The following TLE1 variants were observed in gnomAD, a reference collection of about 807,000 sequenced individuals.
TLE1 encodes TLE family member 1, transcriptional corepressor, also known as transducin-like enhancer protein 1.
In TLE1, 21 loss-of-function variants were observed where a neutral mutation model predicts 89.8. The ratio of observed to expected loss-of-function variants is 0.23; its 90% confidence interval spans 0.17 to 0.34. The LOEUF (loss-of-function observed/expected upper bound fraction) is 0.34. Ranked by LOEUF, TLE1 falls within the 10% of genes least tolerant of loss-of-function variation. The probability of loss-of-function intolerance (pLI) is 1.00; values close to 1 mark genes in which losing one functional copy is unlikely to be tolerated. For synonymous variants in TLE1, 447 were observed against 407.6 expected (o/e 1.10, Z -1.16); for missense variants, 795 against 1,031.2 (o/e 0.77, Z 3.14).
chr9:81,668,607 T>G (rs527640562), intron 4 of TLE1, among the ~76,000 whole-genome samples: 1 of 152,018 alleles, frequency 6.6e-6, no homozygotes, highest in East Asian at 1.9e-4. Flanking sequence ...AAGATAACAA[T>G]CAACCTACTT....
intron 14 of TLE1, among the ~76,000 whole-genome samples, chr9:81,597,616 C>G (rs986881529): frequency 6.6e-6 from 1 of 152,176 alleles, no homozygotes; most frequent in Non-Finnish European, 1.5e-5. Context: ...AGCCTCAGAA[C>G]TGAGACCCAG....
At chr9:81,657,158 G>A (rs1244211301) in intron 4 of TLE1, among the ~76,000 whole-genome samples, 1 of 151,826 alleles carries the variant, frequency 6.6e-6, no homozygotes, top group Non-Finnish European at 1.5e-5. Context: ...TTCTTCCATT[G>A]TTGCTTAATC....
chr9:81,590,725 A>G, intron 16 of TLE1, 80 bp downstream of exon 16: 1 of 1,551,914 alleles, frequency 6.4e-7, no homozygotes, highest in South Asian at 1.2e-5. Flanking sequence ...TGTGGGCTGC[A>G]GGCAGCCAGA....
At chr9:81,678,205 A>G (rs1034208027) in intron 4 of TLE1, among the ~76,000 whole-genome samples, 1 of 152,146 alleles carries the variant, frequency 6.6e-6, no homozygotes, top group Non-Finnish European at 1.5e-5. Context: ...AATAGAATAC[A>G]ATTTATTGTT....
intron 14 of TLE1, among the ~76,000 whole-genome samples, chr9:81,606,966 G>A (rs1587937218): frequency 6.6e-6 from 1 of 151,252 alleles, no homozygotes; most frequent in Admixed American, 6.6e-5. Context: ...GCTCATGCCT[G>A]TAGTCCCAGC....
rs150161989 is a variant in TLE1 at position 81,593,112 on chromosome 9, G to A, written c.1494C>T (p.His498=). ...CGCAGCCCTTCCCGCCTGTGTACAC[G>A]TGTCTCGTGGGGTTGCTGATGGTCA... ...CAVTISNPTR[H]VYTGGKGCVK... The change falls in exon 15 of 20, where the codon CAC becomes CAT. Residue 498 remains histidine (H), a synonymous_variant. Coordinates refer to ENST00000376499, the MANE Select transcript of TLE1 (RefSeq NM_005077.5). The A allele has an allele frequency of 8.9e-5, 143 of 1,614,144 alleles. 1 individual carries two copies. In the African/African-American group the frequency reaches 1.2e-3, roughly 14 times the overall value.
intron 9 of TLE1, among the ~76,000 whole-genome samples, chr9:81,618,756 C>T (rs1435830374): frequency 6.6e-6 from 1 of 152,092 alleles, no homozygotes; most frequent in Non-Finnish European, 1.5e-5. Context: ...TAATTTAGTA[C>T]ACATAAGGAA....
chr9:81,584,631 T>C (rs1587833149), intron 18 of TLE1, 107 bp from the exon 19 acceptor site: 2 of 1,004,370 alleles, frequency 2.0e-6, no homozygotes, highest in East Asian at 4.9e-5. Flanking sequence ...ATATGAACTA[T>C]CATGCCCTAA....
At chr9:81,682,182 A>C (rs1833718849) in intron 4 of TLE1, among the ~76,000 whole-genome samples, 1 of 151,708 alleles carries the variant, frequency 6.6e-6, no homozygotes, top group South Asian at 2.1e-4. Flanking sequence ...TGAACCCAGG[A>C]GGCAAAGGCT....
At chr9:81,616,163 G>A in intron 10 of TLE1, 29 bp from the exon 11 acceptor site, 1 of 1,582,974 alleles carries the variant, frequency 6.3e-7, no homozygotes, top group South Asian at 1.2e-5. Context: ...AAGTTTTCGT[G>A]ATTTAGCTTG....
Position 81,688,343 on chromosome 9 carries a change from A to C in TLE1, c.-103T>G. ...AAAATTAAGCCGGAAAGCCAAGCAG[A>C]AGCGGGGAGCGCGCTGGCCACGCAC... On this transcript the variant is annotated 5_prime_UTR_variant, in exon 1 of 20. Transcript: ENST00000376499. 1 of 1,301,710 alleles carries C rather than the reference A, an allele frequency of 7.7e-7. No homozygotes were observed. The highest frequency in any genetic ancestry group is 3.1e-5 in the East Asian group (1 of 31,800). The allele number at this position is 1,301,710 out of a possible 1,614,324, so 80.6% of individuals were successfully genotyped here. A position where few individuals can be genotyped will look rare whatever the true frequency, so the allele number is the denominator to read the frequency against.
intron 12 of TLE1, chr9:81,612,493 A>G (rs556131965): frequency 2.6e-6 from 1 of 383,468 alleles, no homozygotes; most frequent in Admixed American, 6.4e-5. Flanking sequence ...CCACTGGGGA[A>G]TATCAGGTTG....
intron 17 of TLE1, among the ~76,000 whole-genome samples, chr9:81,587,106 A>G (rs971827135): frequency 6.6e-6 from 1 of 152,234 alleles, no homozygotes; most frequent in Non-Finnish European, 1.5e-5. Context: ...CAAAGTTGCC[A>G]TTTATACATT....
rs1742794652 is a variant in TLE1 at position 81,689,138 on chromosome 9, T to C, written c.-898A>G. On this transcript the variant is annotated 5_prime_UTR_variant, in exon 1 of 20. Transcript: ENST00000376499. Reference sequence around the variant, plus strand: ...CCGGACCCTTCTTCCGAGCTCCTTCTTCCTCGGTCTTCTTTCTTTCCTTCC... The same window carrying C: ...CCGGACCCTTCTTCCGAGCTCCTTCCTCCTCGGTCTTCTTTCTTTCCTTCC... 6.6e-6 allele frequency: 1 copy of C among 152,378 alleles called. No homozygotes were observed. The allele number at this position is 152,378 out of a possible 1,614,324, so 9.4% of individuals were successfully genotyped here. A position where few individuals can be genotyped will look rare whatever the true frequency, so the allele number is the denominator to read the frequency against.
At chr9:81,621,299 A>G (rs909777089) in intron 8 of TLE1, among the ~76,000 whole-genome samples, 2 of 152,184 alleles carry the variant, frequency 1.3e-5, no homozygotes, top group Non-Finnish European at 2.9e-5. Flanking sequence ...CATTTTAGAT[A>G]TTTTGGGGTC....
At chr9:81,643,738 G>T (rs1828465631) in intron 6 of TLE1, among the ~76,000 whole-genome samples, 1 of 152,122 alleles carries the variant, frequency 6.6e-6, no homozygotes, top group Non-Finnish European at 1.5e-5. Context: ...GTCTTGCTAT[G>T]TTGCCCAGGC....
At chr9:81,597,906 G>C (rs1169968324) in intron 14 of TLE1, among the ~76,000 whole-genome samples, 1 of 152,118 alleles carries the variant, frequency 6.6e-6, no homozygotes, top group Admixed American at 6.5e-5. Flanking sequence ...TTTCCTAGCA[G>C]ACCAGGCTCC....
intron 6 of TLE1, among the ~76,000 whole-genome samples, chr9:81,648,937 C>T (rs759893062): frequency 2.6e-5 from 4 of 152,142 alleles, no homozygotes; most frequent in Non-Finnish European, 5.9e-5. Context: ...AGCTGTGTGT[C>T]AAACCAAATA....
Position 81,634,307 on chromosome 9 carries a change from G to A in TLE1, c.373-6C>T, listed in dbSNP as rs553457918. ...TGAGCTTGCAACTGCTGCTGCTGTT[G>A]GTGGTGGTGGTGAGAGAGAAAAAGG... On this transcript the variant is annotated splice_polypyrimidine_tract_variant and splice_region_variant and intron_variant, in intron 6 of 19. Transcript: ENST00000376499. The A allele has an allele frequency of 2.0e-6, 3 of 1,488,730 alleles. No individual in the cohort carries two copies. Among genetic ancestry groups the A allele is most frequent in the East Asian group, 5.0e-5 (2 of 40,358 alleles). 92.2% of individuals were successfully genotyped at this position (1,488,730 alleles called of 1,614,324 possible). A position where few individuals can be genotyped will look rare whatever the true frequency, so the allele number is the denominator to read the frequency against.
Sources: gnomAD v4.1 joint callset for allele counts (sites outside exome capture counted in the v4.1 genomes callset) on GRCh38, gnomAD v4.1.1 for gene constraint, MANE v1.5 for transcripts, NCBI Gene and HGNC (gene_info 2026-07-23, HGNC 2026-07-21) for gene names.